The following CSMD1 variants were observed in gnomAD, a reference collection of about 807,000 sequenced individuals.
The protein encoded by CSMD1 is CUB and sushi domain-containing protein 1.
In CSMD1, 213 loss-of-function variants were observed where a neutral mutation model predicts 417.5. The ratio of observed to expected loss-of-function variants is 0.51; its 90% CI spans 0.46 to 0.57. The LOEUF (loss-of-function observed/expected upper bound fraction) is 0.57. Among genes scored for constraint, CSMD1 ranks in the 20% least tolerant of loss-of-function variants. The probability of loss-of-function intolerance (pLI) is 0.00; values close to 1 mark genes in which losing one functional copy is unlikely to be tolerated. For synonymous variants in CSMD1, 2,862 were observed against 1,736.8 expected, an observed-to-expected ratio of 1.65 and a Z score of -16.11; for missense variants, 6,923 against 4,529.7, an observed-to-expected ratio of 1.53 and a Z score of -15.17.
intron 3 of CSMD1, among the ~76,000 whole-genome samples, chr8:4,198,697 T>A (rs527997369): frequency 6.6e-6 from 1 of 152,170 alleles, no homozygotes; most frequent in African/African-American, 2.4e-5. Flanking sequence ...AAGGACTACA[T>A]GGATACTAAG....
intron 18 of CSMD1, among the ~76,000 whole-genome samples, chr8:3,383,788 G>C (rs756085807): frequency 6.6e-6 from 1 of 152,064 alleles, no homozygotes; most frequent in South Asian, 2.1e-4. Context: ...ATACATCAAT[G>C]TCCAATAAAT....
At chr8:3,796,291 T>TATAG (rs374040953) in intron 5 of CSMD1, among the ~76,000 whole-genome samples, 1,971 of 24,882 alleles carry the variant, frequency 0.079, 432 homozygotes, top group Middle Eastern at 0.36. Context: ...CATGTATAGA[T>TATAG]ATATCTATCA....
intron 5 of CSMD1, among the ~76,000 whole-genome samples, chr8:3,767,136 G>A (rs1349752861): frequency 1.3e-5 from 2 of 152,222 alleles, no homozygotes; most frequent in Non-Finnish European, 2.9e-5. Context: ...TGAGGCTGCT[G>A]TGTCTCCAGC....
At chr8:3,534,812 T>C (rs1798124748) in intron 10 of CSMD1, among the ~76,000 whole-genome samples, 1 of 152,242 alleles carries the variant, frequency 6.6e-6, no homozygotes, top group African/African-American at 2.4e-5. Flanking sequence ...ACACAACATT[T>C]TCTTTGGGTC....
chr8:3,242,289 G>A (rs543419313), intron 26 of CSMD1, among the ~76,000 whole-genome samples: 10 of 150,556 alleles, frequency 6.6e-5, no homozygotes, highest in African/African-American at 2.4e-4. Context: ...GCTCGGCCTG[G>A]GGAGGAAGGG....
At chr8:3,620,375 A>G (rs562809017) in intron 7 of CSMD1, among the ~76,000 whole-genome samples, 1 of 152,280 alleles carries the variant, frequency 6.6e-6, no homozygotes, top group East Asian at 1.9e-4. Context: ...ACATGAAAAT[A>G]TATATAAAAA....
At chr8:4,029,508 T>G (rs149839308) in intron 4 of CSMD1, among the ~76,000 whole-genome samples, 37 of 152,194 alleles carry the variant, frequency 2.4e-4, no homozygotes, top group African/African-American at 7.2e-4. Flanking sequence ...AGAGACTTAT[T>G]CACTATCACA....
At chr8:3,195,669 G>A (rs1180005529) in intron 33 of CSMD1, among the ~76,000 whole-genome samples, 1 of 152,164 alleles carries the variant, frequency 6.6e-6, no homozygotes, top group African/African-American at 2.4e-5. Flanking sequence ...AGGGAATTTA[G>A]GGAGAAGAGG....
At chr8:3,312,090 A>G (rs1023708719) in intron 23 of CSMD1, among the ~76,000 whole-genome samples, 1 of 152,104 alleles carries the variant, frequency 6.6e-6, no homozygotes, top group Admixed American at 6.6e-5. Flanking sequence ...GTTTCTTTCC[A>G]CTCTTCTCCA....
chr8:3,763,359 C>T (rs1219293259), intron 5 of CSMD1, among the ~76,000 whole-genome samples: 3 of 152,148 alleles, frequency 2.0e-5, no homozygotes, highest in Non-Finnish European at 4.4e-5. Flanking sequence ...GCAGAACCCT[C>T]ATGAATGAAT....
chr8:4,760,469 C>G (rs1470856142), intron 1 of CSMD1, among the ~76,000 whole-genome samples: 1 of 152,082 alleles, frequency 6.6e-6, no homozygotes, highest in South Asian at 2.1e-4. Flanking sequence ...ATGCTACTGA[C>G]TAATCCTGTG....
intron 4 of CSMD1, among the ~76,000 whole-genome samples, chr8:3,999,310 C>G (rs931924094): frequency 1.1e-4 from 16 of 152,112 alleles, no homozygotes; most frequent in Non-Finnish European, 1.6e-4. Flanking sequence ...TGTGACCGGC[C>G]TGAGCTCTTA....
chr8:3,889,981 G>A (rs779230644), intron 5 of CSMD1, among the ~76,000 whole-genome samples: 12 of 152,070 alleles, frequency 7.9e-5, no homozygotes, highest in South Asian at 2.1e-4. Context: ...CCAGGAGCTC[G>A]AGACAACCCT....
chr8:2,938,500 G>T lies in CSMD1; in HGVS notation c.*85C>A. 2 of 1,314,406 alleles carry T rather than the reference G, an allele frequency of 1.5e-6. No individual in the cohort carries two copies. The highest frequency in any genetic ancestry group is 1.0e-6 in the Non-Finnish European group (1 of 955,910). 81.4% of individuals were successfully genotyped at this position (1,314,406 alleles called of 1,614,324 possible). ...TCGCTGCAGTAAAGCCAGAGTGGAA[G>T]GGAGAGTGGTATATGGCACCAAAGG... On this transcript the variant is annotated 3_prime_UTR_variant, in exon 70 of 70. Transcript: ENST00000635120.
At chr8:4,799,126 C>T (rs1798141278) in intron 1 of CSMD1, among the ~76,000 whole-genome samples, 1 of 152,116 alleles carries the variant, frequency 6.6e-6, no homozygotes, top group South Asian at 2.1e-4. Flanking sequence ...CCCCTGGGAT[C>T]TTGATCAACT....
At chr8:3,758,169 G>C (rs909551155) in intron 5 of CSMD1, among the ~76,000 whole-genome samples, 3 of 152,016 alleles carry the variant, frequency 2.0e-5, no homozygotes, top group African/African-American at 7.2e-5. Context: ...TCACCATTTT[G>C]GCCAGGCTGG....
chr8:3,589,348 C>A (rs1211492493), intron 8 of CSMD1, among the ~76,000 whole-genome samples: 2 of 151,356 alleles, frequency 1.3e-5, no homozygotes, highest in Non-Finnish European at 2.9e-5. Context: ...AGGGGTCCAA[C>A]ACTGGACTGA....
intron 23 of CSMD1, among the ~76,000 whole-genome samples, chr8:3,327,817 T>G (rs189611446): frequency 6.6e-6 from 1 of 152,316 alleles, no homozygotes; most frequent in East Asian, 1.9e-4. Flanking sequence ...GTTTTTTCCT[T>G]TAGCTCCGGG....
At chr8:3,196,376 T>C (rs1000386330) in intron 33 of CSMD1, among the ~76,000 whole-genome samples, 1 of 152,204 alleles carries the variant, frequency 6.6e-6, no homozygotes, top group Non-Finnish European at 1.5e-5. Flanking sequence ...TGGCCCATGC[T>C]GCTGCTCTAT....
Sources: allele counts gnomAD v4.1 joint callset (sites outside exome capture counted in the v4.1 genomes callset), GRCh38; gene constraint gnomAD v4.1.1; transcripts MANE v1.5; gene names NCBI Gene and HGNC (gene_info 2026-07-23, HGNC 2026-07-21).